The following VRK3 variants were observed in gnomAD, a reference collection of about 807,000 sequenced individuals.
The protein encoded by VRK3 is VRK serine/threonine kinase 3, also known as serine/threonine-protein kinase VRK3.
In VRK3, 50 loss-of-function variants were observed where a neutral mutation model predicts 60.4. The observed-to-expected ratio is 0.83, with a 90% CI of 0.66 to 1.05. The LOEUF is 1.05. Ranked by LOEUF, VRK3 falls within the 50% of genes least tolerant of loss-of-function variation. VRK3 has a pLI of 0.00. For missense variants in VRK3, 549 were observed against 585.3 expected, an observed-to-expected ratio of 0.94 and a Z score of 0.64; for synonymous variants, 246 against 227.8, an observed-to-expected ratio of 1.08 and a Z score of -0.72.
chr19:49,982,195 T>C (rs1470694196), intron 12 of VRK3: 2 of 702,752 alleles, frequency 2.8e-6, no homozygotes, highest in Non-Finnish European at 5.2e-6. Flanking sequence ...CAACCTGAAA[T>C]GATAAGAATT....
At chr19:49,987,262 C>G (rs895058598) in intron 12 of VRK3, among the ~76,000 whole-genome samples, 1 of 152,166 alleles carries the variant, frequency 6.6e-6, no homozygotes, top group African/African-American at 2.4e-5. Flanking sequence ...CTCATACCCA[C>G]AGCGCTTCCC....
chr19:50,007,700 G>A lies in VRK3; in HGVS notation c.416C>T (p.Thr139Met), dbSNP rs776497793. 2.8e-5 allele frequency: 45 copies of A among 1,614,074 alleles called. No homozygotes were observed. The highest frequency in any genetic ancestry group is 1.6e-4 in the Middle Eastern group (1 of 6,084). Reference sequence around the variant, plus strand: ...GGTGGTCACTCGGCTCCGCTTCAGCGTCTGAGGGCTCTGCCTGGTCTTCTG... The same window carrying A: ...GGTGGTCACTCGGCTCCGCTTCAGCATCTGAGGGCTCTGCCTGGTCTTCTG... ...SPQKTRQSPQ[T>M]LKRSRVTTSL... Residue 139 changes from threonine (T) to methionine (M), a missense_variant, in exon 5 of 15, where the codon ACG (threonine) becomes ATG (methionine). Thr to Met is a moderately conservative substitution (Grantham distance 81). Coordinates refer to ENST00000316763, the MANE Select transcript of VRK3 (RefSeq NM_016440.4).
At chr19:49,994,283 G>A (rs139222136) in intron 9 of VRK3, among the ~76,000 whole-genome samples, 172 of 152,268 alleles carry the variant, frequency 1.1e-3, no homozygotes, top group Non-Finnish European at 1.9e-3. Context: ...TAGACTGTGA[G>A]CTCTAAGACA....
At chr19:50,017,211 A>G (rs1405920693) in intron 2 of VRK3, among the ~76,000 whole-genome samples, 1 of 151,900 alleles carries the variant, frequency 6.6e-6, no homozygotes, top group Admixed American at 6.6e-5. Context: ...AACAAAACAA[A>G]CAGCAGCAAC....
chr19:49,989,739 G>T lies in VRK3; in HGVS notation c.996C>A (p.Arg332=). 1 of 1,613,100 alleles carries T rather than the reference G, an allele frequency of 6.2e-7. No individual in the cohort carries two copies. Among genetic ancestry groups the T allele is most frequent in the Non-Finnish European group, 8.5e-7 (1 of 1,179,560 alleles). The part of the protein sequence containing the change: ...VTLAGYGFAF[R]YCPSGKHVAY... ...CCACGTGTTTGCCACTTGGGCAATAGCGGAAGGCGAAGCCATAGCCTGCCA... is the reference window on the plus strand; with the variant it reads ...CCACGTGTTTGCCACTTGGGCAATATCGGAAGGCGAAGCCATAGCCTGCCA... Residue 332 remains arginine, a synonymous_variant, in exon 11 of 15, where the codon CGC becomes CGA. Transcript: ENST00000316763.
At chr19:50,021,099 G>A (rs1313360411) in intron 1 of VRK3, among the ~76,000 whole-genome samples, 1 of 152,210 alleles carries the variant, frequency 6.6e-6, no homozygotes, top group East Asian at 1.9e-4. Flanking sequence ...ATCTGGGAAG[G>A]AGTCCTCAGG....
chr19:50,013,809 A>C (rs2077033289), intron 3 of VRK3, among the ~76,000 whole-genome samples: 1 of 152,228 alleles, frequency 6.6e-6, no homozygotes, highest in Non-Finnish European at 1.5e-5. Flanking sequence ...GAGCTTACAG[A>C]AGAAGCAATC....
rs1337127301 is a variant in VRK3, at chr19:50,000,848, G to C, written c.554C>G (p.Pro185Arg). Reference sequence around the variant, plus strand: ...TGAGTCACAGGTGAGGGTGGAGGTGGGTGCAGCTGTGGGGGAACAAACAAG... The same window carrying C: ...TGAGTCACAGGTGAGGGTGGAGGTGCGTGCAGCTGTGGGGGAACAAACAAG... ...DNQGILYEAA[P>R]TSTLTCDSGP... The change falls in exon 6 of 15, where the codon CCC (proline) becomes CGC (arginine). Residue 185 changes from proline (P) to arginine (R), a missense_variant. Physicochemically the swap from Pro to Arg is moderately radical, Grantham distance 103. Coordinates refer to ENST00000316763, the MANE Select transcript of VRK3 (RefSeq NM_016440.4). 1 of 1,613,646 alleles carries C rather than the reference G, an allele frequency of 6.2e-7. No individual in the cohort carries two copies. Among genetic ancestry groups the C allele is most frequent in the Non-Finnish European group, 8.5e-7 (1 of 1,179,840 alleles).
chr19:50,021,062 A>G (rs1176161110), intron 1 of VRK3, among the ~76,000 whole-genome samples: 1 of 152,252 alleles, frequency 6.6e-6, no homozygotes. Context: ...CAGAGACCCA[A>G]AGGAAACCAG....
chr19:49,986,512 G>A (rs1250409640), intron 12 of VRK3: 1 of 152,980 alleles, frequency 6.5e-6, no homozygotes, highest in Non-Finnish European at 1.5e-5. Context: ...ACAGCACCAC[G>A]GCCAGCATGC....
At chr19:49,989,613 T>A (rs2076575738) in intron 11 of VRK3, 26 bp downstream of exon 11, 1 of 1,591,102 alleles carries the variant, frequency 6.3e-7, no homozygotes. Flanking sequence ...CTCTCTGCGG[T>A]CCCAAACCCA....
Position 50,007,775 on chromosome 19 carries a change from T to C in VRK3, c.341A>G (p.Lys114Arg). The part of the protein sequence containing the change: ...TPKSSPQKTR[K>R]SPQVTRGSPQ... ...GCTACCCCTGGTCACCTGAGGGCTC[T>C]TCCTGGTCTTCTGAGGGCTGCTTTT... is the stretch of plus-strand genomic sequence containing the variant. Residue 114 changes from lysine (K) to arginine (R), a missense_variant, in exon 5 of 15, where the codon AAG becomes AGG. Lys to Arg is a conservative substitution (Grantham distance 26). Transcript: ENST00000316763. The C allele has an allele frequency of 6.2e-7, 1 of 1,614,022 alleles. No homozygotes were observed. The highest frequency in any genetic ancestry group is 8.5e-7 in the Non-Finnish European group (1 of 1,180,010).
chr19:49,985,678 A>G (rs1304530986), intron 12 of VRK3, among the ~76,000 whole-genome samples: 1 of 152,146 alleles, frequency 6.6e-6, no homozygotes, highest in African/African-American at 2.4e-5. Context: ...CTCCCGCAAT[A>G]GGATGTGAGC....
In VRK3 at chr19:50,014,322, G is replaced by A. The variant is rs2077040063; in HGVS notation, c.139+1702C>T. On this transcript the variant is annotated intron_variant, in intron 3 of 14. Coordinates refer to ENST00000316763, the MANE Select transcript of VRK3 (RefSeq NM_016440.4). ...GTCTGTAATGCCAGTACTTTGGGAG[G>A]CCGAGGCGGGTGGATCATTTGAGGT... 2.0e-5 allele frequency among the ~76,000 whole-genome samples: 3 copies of A among 151,910 alleles called. No homozygotes were observed. The South Asian group carries it at 6.3e-4, about 32-fold the overall frequency.
At chr19:50,012,934 G>A (rs968114540) in intron 3 of VRK3, among the ~76,000 whole-genome samples, 32 of 152,102 alleles carry the variant, frequency 2.1e-4, no homozygotes, top group African/African-American at 7.0e-4. Flanking sequence ...TTGGGAGGCC[G>A]AGGCGGGTGG....
At chr19:49,988,560 C>A in intron 11 of VRK3, 68 bp from the exon 12 acceptor site, 1 of 1,563,570 alleles carries the variant, frequency 6.4e-7, no homozygotes, top group Non-Finnish European at 8.7e-7. Flanking sequence ...GTCCACCCCC[C>A]TTCCTTCCCC....
At position 50,021,272 on chromosome 19, in the gene VRK3, T is replaced by C. The variant is rs1004243130; in HGVS notation, c.-64-625A>G. On this transcript the variant is annotated intron_variant, in intron 1 of 14. Coordinates refer to ENST00000316763, the MANE Select transcript of VRK3 (RefSeq NM_016440.4). ...GTGCTCTTTGGAACCTTGTAACCCC[T>C]CCTCCCAGGAGTCAGGGTCTCTGTT... Among the ~76,000 whole-genome samples the C allele has an allele frequency of 3.9e-5, 6 of 152,228 alleles. No individual in the cohort carries two copies. In the South Asian group the frequency reaches 6.2e-4, roughly 16 times the overall value.
At position 50,000,653 on chromosome 19, in the gene VRK3, G is replaced by C; in HGVS notation, c.612+137C>G. 3.0e-6 allele frequency: 3 copies of C among 1,009,586 alleles called. No homozygotes were observed. The Admixed American group carries it at 6.7e-5, about 23-fold the overall frequency. The allele number at this position is 1,009,586 out of a possible 1,614,324, so 62.5% of individuals were successfully genotyped here. On this transcript the variant is annotated intron_variant, in intron 6 of 14. Coordinates refer to ENST00000316763, the MANE Select transcript of VRK3 (RefSeq NM_016440.4). ...AGAACTGGGCGCCTGCCCCGCCCAC[G>C]GTCTTAATACTCCTTGCAGGTGGGG...
At chr19:50,015,932 G>T in intron 3 of VRK3, 92 bp downstream of exon 3, 2 of 1,563,742 alleles carry the variant, frequency 1.3e-6, no homozygotes, top group South Asian at 2.3e-5. Flanking sequence ...GACAGGGTCA[G>T]ACAGGCTGCA....
Sources: gnomAD v4.1 joint callset for allele counts (sites outside exome capture counted in the v4.1 genomes callset) on GRCh38, gnomAD v4.1.1 for gene constraint, MANE v1.5 for transcripts, NCBI Gene and HGNC (gene_info 2026-07-23, HGNC 2026-07-21) for gene names.